DGKI: variants seen among roughly 807,000 people sequenced by gnomAD.
The protein encoded by DGKI is DAG kinase iota.
Under a neutral mutation model 147.5 loss-of-function variants are expected in DGKI, and 55 were observed. That is an observed-to-expected ratio of 0.37 (90% CI 0.30 to 0.47). The LOEUF is 0.47. DGKI is among the 20% of genes least tolerant of loss of function. The pLI, the probability that DGKI is intolerant of heterozygous loss-of-function variation, is 1.00. For synonymous variants in DGKI, 469 were observed against 477.1 expected (o/e 0.98, Z 0.22); for missense variants, 1,007 against 1,323.8 (o/e 0.76, Z 3.71).
chr7:137,788,571 C>A (rs1353287934), intron 1 of DGKI, among the ~76,000 whole-genome samples: 1 of 151,918 alleles, frequency 6.6e-6, no homozygotes, highest in African/African-American at 2.4e-5. Context: ...GACTCCTCGC[C>A]TGTATATCTC....
intron 30 of DGKI, among the ~76,000 whole-genome samples, chr7:137,399,410 C>T (rs373745042): frequency 6.6e-6 from 1 of 152,244 alleles, no homozygotes; most frequent in East Asian, 1.9e-4. Context: ...GAATAATGAT[C>T]CTTATCCTCC....
rs758619881 is a variant in DGKI at position 137,689,992 on chromosome 7, A to G, written c.412T>C (p.Ser138Pro). ...RKQVSYRKAI[S>P]RAGLQHLAPA... ...GCCAGATGCTGGAGGCCTGCCCGGG[A>G]GATTGCTTTCCTGCAGCAAGAAGAA... The change falls in exon 2 of 33, where the codon TCC (serine) becomes CCC (proline). Residue 138 changes from serine (S) to proline (P), a missense_variant. Physicochemically the swap from Ser to Pro is moderately conservative, Grantham distance 74. Around this residue, in one of 5 missense-constraint regions of DGKI, gnomAD observed 259 missense variants for 362.5 expected, o/e 0.71. Transcript: ENST00000614521. 6.3e-7 allele frequency: 1 copy of G among 1,599,480 alleles called. No homozygotes were observed. The highest frequency in any genetic ancestry group is 2.3e-5 in the East Asian group (1 of 44,270).
rs540258140 is a variant in DGKI, at chr7:137,781,367, G to C, written c.401+65095C>G. 4.6e-5 allele frequency among the ~76,000 whole-genome samples: 7 copies of C among 152,302 alleles called. No individual in the cohort carries two copies. The South Asian group carries it at 1.5e-3, about 32-fold the overall frequency. ...CTTTTTGGGCAAAGAATACACAAAAGAACTCCACAGAGAAGTAAACTTACA... is the reference window on the plus strand; with the variant it reads ...CTTTTTGGGCAAAGAATACACAAAACAACTCCACAGAGAAGTAAACTTACA... On this transcript the variant is annotated intron_variant, in intron 1 of 32. Transcript: ENST00000614521.
intron 1 of DGKI, among the ~76,000 whole-genome samples, chr7:137,696,431 C>CTT (rs10609322): frequency 0.029 from 1,053 of 36,556 alleles, 148 homozygotes; most frequent in African/African-American, 0.071. Context: ...GCCCAAAAGA[C>CTT]TTTTTTTTTT....
At chr7:137,722,139 C>G (rs1343822390) in intron 1 of DGKI, 1 of 1,599,068 alleles carries the variant, frequency 6.3e-7, no homozygotes, top group African/African-American at 1.3e-5. Context: ...CTGTCATTGT[C>G]AGAGGAATTG....
intron 1 of DGKI, among the ~76,000 whole-genome samples, chr7:137,783,989 G>C (rs1020685071): frequency 6.6e-6 from 1 of 152,112 alleles, no homozygotes; most frequent in East Asian, 1.9e-4. Context: ...TCTAAATCTT[G>C]AAACAAATCC....
At chr7:137,817,819 G>A (rs74748987) in intron 1 of DGKI, among the ~76,000 whole-genome samples, 2,337 of 152,274 alleles carry the variant, frequency 0.015, 54 homozygotes, top group African/African-American at 0.053. Flanking sequence ...TTTCTTACCC[G>A]TTCTTACCCA....
chr7:137,617,020 A>T (rs931770100), intron 8 of DGKI, among the ~76,000 whole-genome samples: 1 of 148,218 alleles, frequency 6.7e-6, no homozygotes, highest in Admixed American at 6.8e-5. Context: ...ACAGATTAGG[A>T]TGACAGTTCC....
At chr7:137,776,250 A>G (rs1796357431) in intron 1 of DGKI, among the ~76,000 whole-genome samples, 1 of 152,232 alleles carries the variant, frequency 6.6e-6, no homozygotes, top group African/African-American at 2.4e-5. Flanking sequence ...GTTTCAAATC[A>G]TGGTTGATAC....
chr7:137,413,773 A>G (rs1375712331), intron 28 of DGKI, among the ~76,000 whole-genome samples: 3 of 152,136 alleles, frequency 2.0e-5, no homozygotes, highest in Non-Finnish European at 2.9e-5. Context: ...TGGTAGGATG[A>G]TTACTTTTCC....
chr7:137,660,769 T>C (rs1822396714), intron 3 of DGKI, among the ~76,000 whole-genome samples: 3 of 151,614 alleles, frequency 2.0e-5, no homozygotes, highest in African/African-American at 4.9e-5. Flanking sequence ...TTGAGAGAGT[T>C]TGATGGAGAA....
intron 27 of DGKI, among the ~76,000 whole-genome samples, chr7:137,459,470 ATTTT>A (rs68045398): frequency 0.043 from 4,634 of 107,194 alleles, 133 homozygotes; most frequent in African/African-American, 0.17. Flanking sequence ...AATTTTTTAA[ATTTT>A]TTTTTTTTTT....
At chr7:137,590,810 C>T (rs924557988) in intron 12 of DGKI, among the ~76,000 whole-genome samples, 3 of 152,162 alleles carry the variant, frequency 2.0e-5, no homozygotes, top group African/African-American at 4.8e-5. Context: ...CTCCAGCCTC[C>T]GCCACGCGAG....
intron 2 of DGKI, among the ~76,000 whole-genome samples, chr7:137,680,177 G>A (rs1264883031): frequency 6.6e-6 from 1 of 151,962 alleles, no homozygotes; most frequent in Non-Finnish European, 1.5e-5. Context: ...AAAGCCATGT[G>A]AGCACACGGC....
At chr7:137,577,146 A>C in intron 17 of DGKI, 76 bp downstream of exon 17, 1 of 1,031,734 alleles carries the variant, frequency 9.7e-7, no homozygotes, top group Non-Finnish European at 1.5e-6. Flanking sequence ...TTCAATATAT[A>C]AACTAAGTAT....
intron 28 of DGKI, among the ~76,000 whole-genome samples, chr7:137,422,753 C>T (rs1198349013): frequency 5.9e-5 from 9 of 151,596 alleles, no homozygotes; most frequent in Admixed American, 2.0e-4. Context: ...TACAGGCGCC[C>T]GCCACCACAC....
intron 1 of DGKI, among the ~76,000 whole-genome samples, chr7:137,729,286 C>G (rs1196755121): frequency 6.6e-6 from 1 of 152,108 alleles, no homozygotes; most frequent in East Asian, 1.9e-4. Flanking sequence ...CTTTTCTTTG[C>G]ACCATGTGCA....
intron 28 of DGKI, among the ~76,000 whole-genome samples, chr7:137,426,131 G>A (rs970672351): frequency 5.9e-5 from 9 of 152,210 alleles, no homozygotes; most frequent in African/African-American, 2.2e-4. Flanking sequence ...AGGAAAAAAT[G>A]TTAAGGGCAG....
intron 1 of DGKI, among the ~76,000 whole-genome samples, chr7:137,716,745 C>A (rs1180364959): frequency 6.6e-6 from 1 of 152,190 alleles, no homozygotes; most frequent in African/African-American, 2.4e-5. Context: ...TCCGAATTCC[C>A]CAAGATCAAG....
Sources: allele counts gnomAD v4.1 joint callset (sites outside exome capture counted in the v4.1 genomes callset), GRCh38; gene constraint gnomAD v4.1.1; regional missense constraint gnomAD v4.1.1; transcripts MANE v1.5; gene names NCBI Gene and HGNC (gene_info 2026-07-23, HGNC 2026-07-21).